Variants in TENM3 observed in about 807,000 individuals in gnomAD.
TENM3 encodes the protein teneurin transmembrane protein 3, also known as teneurin-3.
In TENM3, 63 loss-of-function variants were observed where a neutral mutation model predicts 255.1. The observed-to-expected ratio is 0.25, with a 90% confidence interval of 0.20 to 0.30. The LOEUF (loss-of-function observed/expected upper bound fraction) is 0.30, where lower values mean the gene tolerates loss of function less well. Among genes scored for constraint, TENM3 ranks in the 10% least tolerant of loss-of-function variants. The probability of loss-of-function intolerance (pLI) is 1.00; values close to 1 mark genes in which losing one functional copy is unlikely to be tolerated. For missense variants in TENM3, 2,929 were observed against 3,461.1 expected, an observed-to-expected ratio of 0.85 and a Z score of 3.86; for synonymous variants, 1,306 against 1,322.3, an observed-to-expected ratio of 0.99 and a Z score of 0.27.
At chr4:182,624,357 C>T (rs1278138327) in intron 4 of TENM3, among the ~76,000 whole-genome samples, 4 of 152,188 alleles carry the variant, frequency 2.6e-5, no homozygotes, top group Non-Finnish European at 4.4e-5. Context: ...CATGGGCCTG[C>T]AAACCTGTCG....
the TENM3 span, among the ~76,000 whole-genome samples, chr4:181,515,669 C>T: frequency 1.3e-5 from 2 of 152,022 alleles, no homozygotes; most frequent in African/African-American, 4.8e-5. Context: ...TATTCATGTC[C>T]TAATACTTTT....
intron 16 of TENM3, among the ~76,000 whole-genome samples, chr4:182,734,774 C>T (rs1019948895): frequency 6.6e-6 from 1 of 152,152 alleles, no homozygotes; most frequent in Non-Finnish European, 1.5e-5. Context: ...TAAATTACAT[C>T]AGAGAAACAC....
chr4:181,778,320 C>A, the TENM3 span, among the ~76,000 whole-genome samples: 39 of 152,212 alleles, frequency 2.6e-4, no homozygotes, highest in East Asian at 6.6e-3. Context: ...TTCACTAATG[C>A]ATAGGCACTT....
chr4:182,456,968 A>G (rs915972189), intron 3 of TENM3, among the ~76,000 whole-genome samples: 11 of 152,144 alleles, frequency 7.2e-5, no homozygotes, highest in African/African-American at 2.7e-4. Flanking sequence ...GGATCACCTC[A>G]GGTCAGGAGT....
chr4:182,782,333 A>G (rs1244989489), intron 24 of TENM3, among the ~76,000 whole-genome samples: 2 of 131,212 alleles, frequency 1.5e-5, no homozygotes, highest in Admixed American at 7.8e-5. Context: ...ATTCAGGAAC[A>G]GGTTGTTCAG....
intron 3 of TENM3, among the ~76,000 whole-genome samples, chr4:182,520,266 A>G (rs1738432500): frequency 6.6e-6 from 1 of 152,210 alleles, no homozygotes; most frequent in African/African-American, 2.4e-5. Flanking sequence ...GTATAAAAAA[A>G]TCAATTGTAT....
rs1287299391 is a variant in TENM3 at position 182,218,655 on chromosome 4, A to G, written c.-76+73901A>G. 5.3e-5 allele frequency among the ~76,000 whole-genome samples: 8 copies of G among 152,332 alleles called. No homozygotes were observed. The East Asian group carries it at 1.2e-3, about 22-fold the overall frequency. On this transcript the variant is annotated intron_variant, in intron 1 of 2. Coordinates refer to the TENM3 transcript ENST00000512480. ...ATGGGATTGCAATTTTGGTGGGTCA[A>G]AATGATCCATTATTGGCAATTTCAT...
At chr4:181,541,977 A>C in the TENM3 span, among the ~76,000 whole-genome samples, 1 of 152,320 alleles carries the variant, frequency 6.6e-6, no homozygotes, top group African/African-American at 2.4e-5. Context: ...ATGCCACCTT[A>C]TAAGAATTTA....
chr4:181,575,108 T>C, the TENM3 span, among the ~76,000 whole-genome samples: 1 of 152,172 alleles, frequency 6.6e-6, no homozygotes, highest in Non-Finnish European at 1.5e-5. Flanking sequence ...CCCCCATTCA[T>C]TCCCCTAATT....
At chr4:181,748,590 G>A in the TENM3 span, among the ~76,000 whole-genome samples, 1 of 152,038 alleles carries the variant, frequency 6.6e-6, no homozygotes, top group Non-Finnish European at 1.5e-5. Context: ...GCCAGAAGGC[G>A]AGTAAAGAAA....
chr4:182,255,043 G>A (rs1288590597), intron 1 of TENM3, among the ~76,000 whole-genome samples: 3 of 152,054 alleles, frequency 2.0e-5, no homozygotes, highest in Non-Finnish European at 4.4e-5. Flanking sequence ...TGGTACTTTC[G>A]GAAAATATCT....
At chr4:182,276,832 A>G (rs966143361) in intron 1 of TENM3, among the ~76,000 whole-genome samples, 18 of 152,208 alleles carry the variant, frequency 1.2e-4, no homozygotes, top group South Asian at 2.1e-4. Context: ...GCAAACTTTG[A>G]TATCTCTCTG....
chr4:181,577,016 A>C, the TENM3 span, among the ~76,000 whole-genome samples: 1 of 131,762 alleles, frequency 7.6e-6, no homozygotes, highest in Non-Finnish European at 1.6e-5. Context: ...TATATATAAT[A>C]TATGTAATAT....
chr4:181,563,344 ATG>A, the TENM3 span, among the ~76,000 whole-genome samples: 1 of 152,004 alleles, frequency 6.6e-6, no homozygotes, highest in Non-Finnish European at 1.5e-5. Context: ...TTTTCTCACT[ATG>A]TGTGTTTCTC....
chr4:182,731,996 T>C (rs1277666003), intron 16 of TENM3, among the ~76,000 whole-genome samples: 1 of 152,058 alleles, frequency 6.6e-6, no homozygotes, highest in Non-Finnish European at 1.5e-5. Context: ...TTGGCCAGGA[T>C]GGTCTCCATC....
chr4:181,574,745 G>A, the TENM3 span, among the ~76,000 whole-genome samples: 1 of 152,086 alleles, frequency 6.6e-6, no homozygotes, highest in African/African-American at 2.4e-5. Context: ...TATAGAAGCC[G>A]TAGGAACTTA....
At chr4:181,778,669 G>C in the TENM3 span, among the ~76,000 whole-genome samples, 56 of 152,082 alleles carry the variant, frequency 3.7e-4, no homozygotes, top group Non-Finnish European at 7.9e-4. Context: ...CTTAGCAAGG[G>C]AAGGAAAGCA....
At chr4:181,988,316 T>G in the TENM3 span, among the ~76,000 whole-genome samples, 20 of 152,064 alleles carry the variant, frequency 1.3e-4, no homozygotes, top group Non-Finnish European at 2.4e-4. Flanking sequence ...ATCCTTCCAT[T>G]TTTAATCATC....
chr4:182,516,430 G>GC, intron 3 of TENM3, among the ~76,000 whole-genome samples: 1 of 152,318 alleles, frequency 6.6e-6, no homozygotes, highest in East Asian at 1.9e-4. Flanking sequence ...GTTCCAGGGT[G>GC]CTTTGGCTAA....
Sources: gnomAD v4.1 joint callset for allele counts (sites outside exome capture counted in the v4.1 genomes callset) on GRCh38, gnomAD v4.1.1 for gene constraint, MANE v1.5 for transcripts, NCBI Gene and HGNC (gene_info 2026-07-23, HGNC 2026-07-21) for gene names.